The following ATP10B variants were observed in gnomAD, a reference collection of about 807,000 sequenced individuals.
ATP10B encodes phospholipid-transporting ATPase VB.
ATP10B carries 122 observed loss-of-function variants against 141.2 expected under a neutral mutation model. The ratio of observed to expected loss-of-function variants is 0.86; its 90% CI spans 0.75 to 1.00. The LOEUF (loss-of-function observed/expected upper bound fraction) is 1.00. Among genes scored for constraint, ATP10B ranks in the 50% least tolerant of loss-of-function variants. ATP10B has a pLI of 0.00. For missense variants in ATP10B, 1,876 were observed against 1,825.3 expected, an observed-to-expected ratio of 1.03 and a Z score of -0.51; for synonymous variants, 685 against 692.0, an observed-to-expected ratio of 0.99 and a Z score of 0.16.
At chr5:160,879,361 G>C in the ATP10B span, among the ~76,000 whole-genome samples, 2 of 108,560 alleles carry the variant, frequency 1.8e-5, no homozygotes, top group Non-Finnish European at 3.7e-5. Flanking sequence ...ACAGGAAGGG[G>C]AATATCACAC....
At position 160,564,739 on chromosome 5, in the gene ATP10B, C is replaced by T. The variant is rs1754434258; in HGVS notation, c.*714G>A. The T allele has an allele frequency of 6.6e-6, 1 of 152,188 alleles. No individual in the cohort carries two copies. Among genetic ancestry groups the T allele is most frequent in the East Asian group, 1.9e-4 (1 of 5,204 alleles). The allele number at this position is 152,188 out of a possible 1,614,324, so 9.4% of individuals were successfully genotyped here. Reference sequence around the variant, plus strand: ...CTGGTGGGACATATGGTCTGTCAGCCAAAACAGGGGTCTCTGGTGCACCCG... The same window carrying T: ...CTGGTGGGACATATGGTCTGTCAGCTAAAACAGGGGTCTCTGGTGCACCCG... On this transcript the variant is annotated 3_prime_UTR_variant, in exon 26 of 26. Transcript: ENST00000327245.
chr5:160,763,803 C>A (rs1483402623), intron 2 of ATP10B, among the ~76,000 whole-genome samples: 4 of 151,888 alleles, frequency 2.6e-5, no homozygotes, highest in African/African-American at 4.8e-5. Context: ...AATCAATAGA[C>A]CATTAGGGAA....
At chr5:160,913,421 C>T in the ATP10B span, among the ~76,000 whole-genome samples, 1 of 152,160 alleles carries the variant, frequency 6.6e-6, no homozygotes, top group African/African-American at 2.4e-5. Context: ...GCACTAGAAG[C>T]AGTTACTATG....
intron 19 of ATP10B, among the ~76,000 whole-genome samples, chr5:160,605,800 T>C (rs1281881138): frequency 2.0e-5 from 3 of 152,232 alleles, no homozygotes; most frequent in Non-Finnish European, 2.9e-5. Context: ...ATGCTTGGTA[T>C]GTGCTGGGCA....
chr5:160,595,798 T>G (rs1347950440), intron 22 of ATP10B, among the ~76,000 whole-genome samples: 3 of 150,998 alleles, frequency 2.0e-5, no homozygotes, highest in Non-Finnish European at 3.0e-5. Context: ...CTAGAAGAAA[T>G]GGATAAATTC....
Position 160,774,847 on chromosome 5 carries a change from T to C in ATP10B, c.-331+10712A>G, listed in dbSNP as rs77720304. 9.4e-3 allele frequency among the ~76,000 whole-genome samples: 1,430 copies of C among 152,248 alleles called. 21 individuals carry two copies. The highest frequency in any genetic ancestry group is 0.033 in the African/African-American group (1,363 of 41,544). ...CAGGGGGCCTCTCTTTTCTGCCTTG[T>C]TTTTACTCCCAGTTAACAATCTCAC... On this transcript the variant is annotated intron_variant, in intron 2 of 25. Coordinates refer to ENST00000327245, the MANE Select transcript of ATP10B (RefSeq NM_025153.3).
rs531872207 is a variant in ATP10B at position 160,573,072 on chromosome 5, A to G, written c.3751-3389T>C. On this transcript the variant is annotated intron_variant, in intron 24 of 25. Coordinates refer to ENST00000327245, the MANE Select transcript of ATP10B (RefSeq NM_025153.3). ...ATGGGCTGAATGTTTATGTCCTCCT[A>G]CTCCCAAGTTAGTAATGTTTAAACC... 3.7e-4 allele frequency among the ~76,000 whole-genome samples: 56 copies of G among 152,138 alleles called. 1 individual carries two copies. Among genetic ancestry groups the G allele is most frequent in the African/African-American group, 1.3e-3 (52 of 41,500 alleles).
intron 24 of ATP10B, among the ~76,000 whole-genome samples, chr5:160,582,208 T>C (rs2127602470): frequency 6.6e-6 from 1 of 152,328 alleles, no homozygotes; most frequent in East Asian, 1.9e-4. Flanking sequence ...ACTGGTTATT[T>C]TGCCCATTAG....
intron 1 of ATP10B, among the ~76,000 whole-genome samples, chr5:160,801,080 T>G (rs763490566): frequency 2.1e-4 from 32 of 152,206 alleles, no homozygotes; most frequent in Non-Finnish European, 4.1e-4. Context: ...TGATGCAACT[T>G]TGGCCTCCTC....
intron 22 of ATP10B, 52 bp from the exon 23 acceptor site, chr5:160,591,191 T>G (rs1478574315): frequency 2.7e-6 from 4 of 1,505,002 alleles, no homozygotes; most frequent in African/African-American, 1.4e-5. Context: ...AAGCCTCTAT[T>G]CTTTGCAAGC....
At chr5:160,744,315 C>T (rs569000838) in intron 2 of ATP10B, among the ~76,000 whole-genome samples, 47 of 152,274 alleles carry the variant, frequency 3.1e-4, no homozygotes, top group African/African-American at 1.1e-3. Flanking sequence ...CTTAAGCCGA[C>T]CCTACTTCTG....
intron 21 of ATP10B, among the ~76,000 whole-genome samples, chr5:160,600,754 G>T (rs1185744590): frequency 1.3e-5 from 2 of 152,180 alleles, no homozygotes; most frequent in African/African-American, 4.8e-5. Context: ...TTGGATGCCT[G>T]CTCTTTCTCT....
Position 160,759,010 on chromosome 5 carries a change from C to A in ATP10B, c.-331+26549G>T, listed in dbSNP as rs1197930414. Among the ~76,000 whole-genome samples the A allele has an allele frequency of 2.0e-5, 3 of 152,184 alleles. No individual in the cohort carries two copies. In the East Asian group the frequency reaches 5.8e-4, roughly 29 times the overall value. On this transcript the variant is annotated intron_variant, in intron 2 of 25. Transcript: ENST00000327245. Reference sequence around the variant, plus strand: ...GCTGGATTTGGGCTTTTTAGGGTCTCAGACTCAGTAACTTCAAAATAATAA... The same window carrying A: ...GCTGGATTTGGGCTTTTTAGGGTCTAAGACTCAGTAACTTCAAAATAATAA...
chr5:160,622,685 A>T, intron 13 of ATP10B, 100 bp from the exon 14 acceptor site: 1 of 1,113,676 alleles, frequency 9.0e-7, no homozygotes. Context: ...GCTTCATTGC[A>T]GTCTTGCATC....
rs567139868 is a variant in ATP10B at position 160,848,131 on chromosome 5, A to G, written c.-576+3810T>C. 9.3e-4 allele frequency among the ~76,000 whole-genome samples: 141 copies of G among 152,328 alleles called. No homozygotes were observed. The South Asian group carries it at 0.018, about 20-fold the overall frequency. ...ACACATGTGTAAATACATATTAGTT[A>G]AGAGCTGGAAGGAACCTTTCAGATC... On this transcript the variant is annotated intron_variant, in intron 1 of 25. Transcript: ENST00000327245.
chr5:160,719,441 C>T (rs1443857388), intron 2 of ATP10B, among the ~76,000 whole-genome samples: 1 of 152,200 alleles, frequency 6.6e-6, no homozygotes, highest in African/African-American at 2.4e-5. Context: ...TTTGCAACAA[C>T]CCAGTAGTTC....
At chr5:160,880,818 A>G in the ATP10B span, among the ~76,000 whole-genome samples, 1 of 152,194 alleles carries the variant, frequency 6.6e-6, no homozygotes, top group East Asian at 1.9e-4. Flanking sequence ...CCTAAATATA[A>G]AATACAAAAC....
At chr5:160,722,912 G>A (rs2127783637) in intron 2 of ATP10B, among the ~76,000 whole-genome samples, 1 of 152,256 alleles carries the variant, frequency 6.6e-6, no homozygotes, top group South Asian at 2.1e-4. Flanking sequence ...ACAACCAGGT[G>A]CATTGATTTC....
At chr5:160,680,818 G>A (rs1192802606) in intron 6 of ATP10B, among the ~76,000 whole-genome samples, 1 of 152,202 alleles carries the variant, frequency 6.6e-6, no homozygotes, top group African/African-American at 2.4e-5. Context: ...GTTTAGGGAT[G>A]AACAAGTGAG....
Sources: gnomAD v4.1 joint callset for allele counts (sites outside exome capture counted in the v4.1 genomes callset) on GRCh38, gnomAD v4.1.1 for gene constraint, MANE v1.5 for transcripts, NCBI Gene and HGNC (gene_info 2026-07-23, HGNC 2026-07-21) for gene names.